The following EPHA6 variants were observed in gnomAD, a reference collection of about 807,000 sequenced individuals.
EPHA6 encodes ephrin type-A receptor 6.
In EPHA6, 50 loss-of-function variants were observed where a neutral mutation model predicts 112.0. That is an observed-to-expected ratio of 0.45 (90% CI 0.36 to 0.56). EPHA6 has a LOEUF of 0.56. EPHA6 is among the 20% of genes least tolerant of loss of function. EPHA6 has a pLI of 0.00. For synonymous variants in EPHA6, 529 were observed against 490.7 expected, an observed-to-expected ratio of 1.08 and a Z score of -1.03; for missense variants, 1,280 against 1,417.4, an observed-to-expected ratio of 0.90 and a Z score of 1.56.
intron 1 of EPHA6, among the ~76,000 whole-genome samples, chr3:96,829,942 C>CGT (rs1553713374): frequency 1.1e-4 from 11 of 104,196 alleles, no homozygotes; most frequent in South Asian, 7.8e-4. Flanking sequence ...TGCATGTGCG[C>CGT]GCGCGCGCAC....
intron 2 of EPHA6, among the ~76,000 whole-genome samples, chr3:96,977,554 A>G (rs2042583617): frequency 6.6e-6 from 1 of 152,174 alleles, no homozygotes. Flanking sequence ...ATATTAAGGC[A>G]TGTGGTATGT....
At chr3:97,392,740 T>G (rs764110657) in intron 5 of EPHA6, among the ~76,000 whole-genome samples, 1 of 151,736 alleles carries the variant, frequency 6.6e-6, no homozygotes, top group Non-Finnish European at 1.5e-5. Flanking sequence ...TCCGTAATAT[T>G]AGTTAAAATG....
chr3:97,657,524 G>A (rs942010192), intron 14 of EPHA6, among the ~76,000 whole-genome samples: 14 of 151,932 alleles, frequency 9.2e-5, no homozygotes, highest in African/African-American at 3.1e-4. Flanking sequence ...ACTTGGAGCT[G>A]TGATTTTAAT....
intron 5 of EPHA6, among the ~76,000 whole-genome samples, chr3:97,255,328 G>A (rs2108607208): frequency 6.6e-6 from 1 of 152,196 alleles, no homozygotes; most frequent in South Asian, 2.1e-4. Flanking sequence ...CTTTCACCAT[G>A]GTCATTCTGG....
intron 2 of EPHA6, among the ~76,000 whole-genome samples, chr3:96,908,042 T>G (rs1444325111): frequency 6.6e-6 from 1 of 151,996 alleles, no homozygotes; most frequent in African/African-American, 2.4e-5. Context: ...GCTTGTAGGC[T>G]GCAAACCTGT....
chr3:97,748,079 A>G (rs1299163029), intron 17 of EPHA6, among the ~76,000 whole-genome samples: 1 of 152,058 alleles, frequency 6.6e-6, no homozygotes, highest in Non-Finnish European at 1.5e-5. Flanking sequence ...TTAAATTGCC[A>G]TTGTTTTAAG....
chr3:96,816,098 GAGA>G (rs1324259605), intron 1 of EPHA6, among the ~76,000 whole-genome samples: 1 of 152,130 alleles, frequency 6.6e-6, no homozygotes, highest in Non-Finnish European at 1.5e-5. Flanking sequence ...TTTGTGTGAG[GAGA>G]AGGTTAAGGG....
intron 3 of EPHA6, among the ~76,000 whole-genome samples, chr3:97,223,181 C>T (rs887241486): frequency 2.0e-5 from 3 of 152,028 alleles, no homozygotes; most frequent in African/African-American, 4.8e-5. Context: ...TGTTCTAGAC[C>T]CTGGAAATGC....
intron 2 of EPHA6, among the ~76,000 whole-genome samples, chr3:96,898,830 C>G (rs1194363517): frequency 6.6e-6 from 1 of 151,670 alleles, no homozygotes; most frequent in Non-Finnish European, 1.5e-5. Context: ...GAGATCGAGA[C>G]CATCCTGGCT....
At chr3:97,040,895 C>A (rs1335061626) in intron 3 of EPHA6, among the ~76,000 whole-genome samples, 1 of 151,934 alleles carries the variant, frequency 6.6e-6, no homozygotes, top group East Asian at 1.9e-4. Context: ...AATACTGACA[C>A]TTTTAAAGGG....
intron 2 of EPHA6, among the ~76,000 whole-genome samples, chr3:96,920,819 TTAAA>T (rs2039719668): frequency 1.3e-5 from 2 of 152,028 alleles, no homozygotes; most frequent in South Asian, 4.1e-4. Flanking sequence ...CAATGAAAAT[TTAAA>T]TAATTGGAAT....
intron 15 of EPHA6, among the ~76,000 whole-genome samples, chr3:97,730,182 T>A (rs994078840): frequency 2.0e-5 from 3 of 152,096 alleles, no homozygotes; most frequent in African/African-American, 7.2e-5. Context: ...TTTTCCTTAA[T>A]ATAAGATGTG....
chr3:97,655,492 G>A (rs2094132665), intron 14 of EPHA6, among the ~76,000 whole-genome samples: 1 of 151,884 alleles, frequency 6.6e-6, no homozygotes, highest in Non-Finnish European at 1.5e-5. Context: ...ATTCCATGGT[G>A]TATATGTGCC....
chr3:96,932,804 T>C (rs1470253895), intron 2 of EPHA6, among the ~76,000 whole-genome samples: 4 of 152,242 alleles, frequency 2.6e-5, no homozygotes, highest in African/African-American at 9.6e-5. Flanking sequence ...TTGGCTGTTT[T>C]TAAAGTTTTA....
At chr3:97,473,344 A>C (rs552631696) in intron 7 of EPHA6, among the ~76,000 whole-genome samples, 49 of 151,986 alleles carry the variant, frequency 3.2e-4, no homozygotes, top group African/African-American at 1.1e-3. Context: ...AATTTTAATT[A>C]AAACAAAGTT....
intron 12 of EPHA6, among the ~76,000 whole-genome samples, chr3:97,601,690 T>C (rs138755781): frequency 0.01 from 1,562 of 151,980 alleles, 29 homozygotes; most frequent in African/African-American, 0.036. Context: ...AATAAATAGT[T>C]ACTTGCCTGG....
At chr3:97,435,938 C>A (rs1463840873) in intron 6 of EPHA6, among the ~76,000 whole-genome samples, 3 of 152,100 alleles carry the variant, frequency 2.0e-5, no homozygotes, top group Admixed American at 1.3e-4. Flanking sequence ...ATTTTAAACA[C>A]CTTATTAGAA....
intron 3 of EPHA6, among the ~76,000 whole-genome samples, chr3:97,119,943 G>A (rs2047996101): frequency 1.3e-5 from 2 of 151,898 alleles, no homozygotes; most frequent in Non-Finnish European, 2.9e-5. Flanking sequence ...TGAATGCTGA[G>A]ACTCATTTGC....
At chr3:97,361,806 C>T (rs896972611) in intron 5 of EPHA6, among the ~76,000 whole-genome samples, 1 of 152,180 alleles carries the variant, frequency 6.6e-6, no homozygotes, top group Non-Finnish European at 1.5e-5. Context: ...CTTCTCAATA[C>T]TGCCACTTTG....
Sources: gnomAD v4.1 joint callset for allele counts (sites outside exome capture counted in the v4.1 genomes callset) on GRCh38, gnomAD v4.1.1 for gene constraint, MANE v1.5 for transcripts, NCBI Gene and HGNC (gene_info 2026-07-23, HGNC 2026-07-21) for gene names.